The following PRKAR1B variants were observed in gnomAD, a reference collection of about 807,000 sequenced individuals.
PRKAR1B encodes the protein protein kinase cAMP-dependent type I regulatory subunit beta.
Under a neutral mutation model 46.5 loss-of-function variants are expected in PRKAR1B, and 22 were observed. That is an observed-to-expected ratio of 0.47 (90% CI 0.34 to 0.68). The LOEUF (loss-of-function observed/expected upper bound fraction) is 0.68. Ranked by LOEUF, PRKAR1B falls within the 30% of genes least tolerant of loss-of-function variation. PRKAR1B has a pLI of 0.01. For synonymous variants in PRKAR1B, 259 were observed against 217.7 expected (o/e 1.19, Z -1.67); for missense variants, 445 against 535.6 (o/e 0.83, Z 1.67).
chr7:611,016 C>T (rs1172775592), intron 4 of PRKAR1B, among the ~76,000 whole-genome samples: 1 of 152,236 alleles, frequency 6.6e-6, no homozygotes, highest in East Asian at 1.9e-4. Context: ...CCTGCGGGGG[C>T]CGAGGGCAGA....
intron 4 of PRKAR1B, among the ~76,000 whole-genome samples, chr7:633,220 T>C (rs565661148): frequency 3.9e-4 from 59 of 152,292 alleles, no homozygotes; most frequent in African/African-American, 1.4e-3. Context: ...TGGAGAAAAG[T>C]GTGTCTCGTG....
chr7:724,108 G>A (rs747462371), intron 1 of PRKAR1B, among the ~76,000 whole-genome samples: 21 of 152,090 alleles, frequency 1.4e-4, no homozygotes, highest in Non-Finnish European at 2.8e-4. Flanking sequence ...TGGGGGTTAG[G>A]ACTTCAGCAT....
chr7:583,279 G>C (rs527256325), intron 8 of PRKAR1B, among the ~76,000 whole-genome samples: 2 of 152,266 alleles, frequency 1.3e-5, no homozygotes, highest in South Asian at 2.1e-4. Context: ...AAGGATTTCA[G>C]AGAGAACAGG....
Position 724,852 on chromosome 7 carries a change from G to A in PRKAR1B, c.-23+2358C>T, listed in dbSNP as rs112818013. Among the ~76,000 whole-genome samples the A allele has an allele frequency of 3.5e-3, 535 of 152,324 alleles. 6 individuals carry two copies. Among genetic ancestry groups the A allele is most frequent in the African/African-American group, 0.012 (517 of 41,560 alleles). On this transcript the variant is annotated intron_variant, in intron 1 of 10. Coordinates refer to ENST00000537384, the MANE Select transcript of PRKAR1B (RefSeq NM_001164760.2). ...TCCCACATGTTGCAGACAGTGCCTG[G>A]TCAAACAAATGCCTGTTGGAGGAAA... is the stretch of plus-strand genomic sequence containing the variant.
intron 4 of PRKAR1B, chr7:607,721 T>C (rs938054989): frequency 5.2e-6 from 2 of 383,864 alleles, no homozygotes; most frequent in African/African-American, 4.2e-5. Flanking sequence ...AAAAATGGGG[T>C]CATGCCATAC....
At chr7:552,070 A>C (rs10274829) in intron 9 of PRKAR1B, among the ~76,000 whole-genome samples, 1 of 2,478 alleles carries the variant, frequency 4.0e-4, no homozygotes, top group African/African-American at 1.6e-3. Context: ...CCCACCTCCC[A>C]CCCAGGTCCT....
At chr7:699,737 C>T (rs557790405) in intron 2 of PRKAR1B, among the ~76,000 whole-genome samples, 5 of 152,150 alleles carry the variant, frequency 3.3e-5, no homozygotes, top group East Asian at 1.9e-4. Context: ...GGCCGGAGCC[C>T]GTGGGTGGCC....
intron 4 of PRKAR1B, 152 bp from the exon 5 acceptor site, chr7:607,604 C>A (rs549083233): frequency 2.8e-6 from 2 of 726,178 alleles, no homozygotes; most frequent in African/African-American, 3.5e-5. Flanking sequence ...AAATTGAAAT[C>A]CTTCATGACC....
intron 9 of PRKAR1B, among the ~76,000 whole-genome samples, chr7:564,014 T>A (rs991034563): frequency 6.6e-6 from 1 of 151,954 alleles, no homozygotes; most frequent in African/African-American, 2.4e-5. Flanking sequence ...GCCTCCTCCA[T>A]TGACAATTCA....
chr7:576,932 T>C (rs912240748), intron 9 of PRKAR1B, among the ~76,000 whole-genome samples: 2 of 151,848 alleles, frequency 1.3e-5, no homozygotes, highest in South Asian at 2.1e-4. Flanking sequence ...TTTCGGCCTG[T>C]GTTCCAGCGG....
chr7:695,430 G>A lies in PRKAR1B; in HGVS notation c.178-14704C>T, dbSNP rs192538109. On this transcript the variant is annotated intron_variant, in intron 2 of 10. Coordinates refer to ENST00000537384, the MANE Select transcript of PRKAR1B (RefSeq NM_001164760.2). Reference sequence around the variant, plus strand: ...GGAATCTAAGAGAGAGCCCCGTGCCGGTCAGGAAGGGGTCAGTGGTGCTGC... The same window carrying A: ...GGAATCTAAGAGAGAGCCCCGTGCCAGTCAGGAAGGGGTCAGTGGTGCTGC... Among the ~76,000 whole-genome samples, 221 of 152,230 alleles carry A rather than the reference G, an allele frequency of 1.5e-3. 2 individuals carry two copies. The highest frequency in any genetic ancestry group is 4.8e-3 in the African/African-American group (200 of 41,498).
At chr7:633,206 C>T (rs183428431) in intron 4 of PRKAR1B, among the ~76,000 whole-genome samples, 25 of 152,286 alleles carry the variant, frequency 1.6e-4, no homozygotes, top group African/African-American at 5.8e-4. Context: ...TGAAAAACAC[C>T]AAGTGGAGAA....
At chr7:581,672 G>C (rs572531300) in intron 8 of PRKAR1B, among the ~76,000 whole-genome samples, 1 of 152,152 alleles carries the variant, frequency 6.6e-6, no homozygotes, top group Admixed American at 6.5e-5. Flanking sequence ...ATTAATCTTG[G>C]ATGAAAACTG....
intron 4 of PRKAR1B, among the ~76,000 whole-genome samples, chr7:658,267 T>C (rs1404357293): frequency 6.6e-6 from 1 of 151,798 alleles, no homozygotes; most frequent in East Asian, 1.9e-4. Flanking sequence ...GACCCCCATC[T>C]CTACAAAAAA....
At position 560,359 on chromosome 7, in the gene PRKAR1B, AAATAATAAT is replaced by A. The variant is rs200894141; in HGVS notation, c.892-8898_892-8890del. Among the ~76,000 whole-genome samples, 32,712 of 146,468 alleles carry A rather than the reference AAATAATAAT, an allele frequency of 0.22. 3,728 individuals carry two copies. The highest frequency in any genetic ancestry group is 0.24 in the Non-Finnish European group (16,022 of 66,754). ...TAGCAGTGTTAGAATGAACTAATACAAATAATAATAATAATAATAATAATAATAATAAAT... is the reference window on the plus strand; with the variant it reads ...TAGCAGTGTTAGAATGAACTAATACAAATAATAATAATAATAATAATAAAT... On this transcript the variant is annotated intron_variant, in intron 9 of 10. Coordinates refer to ENST00000537384, the MANE Select transcript of PRKAR1B (RefSeq NM_001164760.2). This position sits in a 1 kb window ranked among gnomAD's most constrained non-coding sequence, Gnocchi z 4.2.
At chr7:715,944 T>C (rs1326941840) in intron 1 of PRKAR1B, among the ~76,000 whole-genome samples, 3 of 152,176 alleles carry the variant, frequency 2.0e-5, no homozygotes, top group South Asian at 2.1e-4. Context: ...CTCGGTCTCC[T>C]GACCTCGTGA....
intron 3 of PRKAR1B, among the ~76,000 whole-genome samples, chr7:679,479 C>T (rs982217506): frequency 2.6e-5 from 4 of 152,166 alleles, no homozygotes; most frequent in Non-Finnish European, 5.9e-5. Context: ...GGAGGAAGAC[C>T]CCAGAGGTGG....
At chr7:611,454 G>A (rs142824763) in intron 4 of PRKAR1B, among the ~76,000 whole-genome samples, 7 of 152,346 alleles carry the variant, frequency 4.6e-5, no homozygotes, top group Admixed American at 1.3e-4. Context: ...GGCCTGTCCC[G>A]GGTTCCAGTC....
chr7:674,040 C>A (rs1786438577), intron 4 of PRKAR1B, among the ~76,000 whole-genome samples: 1 of 152,180 alleles, frequency 6.6e-6, no homozygotes, highest in Non-Finnish European at 1.5e-5. Context: ...GGCATCAGGG[C>A]CCTCCTGGGA....
Sources: allele counts gnomAD v4.1 joint callset (sites outside exome capture counted in the v4.1 genomes callset), GRCh38; gene constraint gnomAD v4.1.1; non-coding constraint Gnocchi (gnomAD v3.1); transcripts MANE v1.5; gene names NCBI Gene and HGNC (gene_info 2026-07-23, HGNC 2026-07-21).